The following APBA1 variants were observed in gnomAD, a reference collection of about 807,000 sequenced individuals.
The protein encoded by APBA1 is amyloid beta precursor protein binding family A member 1, also known as amyloid-beta A4 precursor protein-binding family A member 1.
In APBA1, 55 loss-of-function variants were observed where a neutral mutation model predicts 86.6. The observed-to-expected ratio is 0.64, with a 90% CI of 0.51 to 0.80. APBA1 has a LOEUF of 0.80. Ranked by LOEUF, APBA1 falls within the 30% of genes least tolerant of loss-of-function variation. The pLI is 0.00. For synonymous variants in APBA1, 511 were observed against 493.9 expected (o/e 1.03, Z -0.46); for missense variants, 1,090 against 1,183.0 (o/e 0.92, Z 1.15).
chr9:69,547,962 G>C (rs932203110), intron 1 of APBA1, among the ~76,000 whole-genome samples: 3 of 152,160 alleles, frequency 2.0e-5, no homozygotes, highest in Non-Finnish European at 4.4e-5. Context: ...ACATTACAAA[G>C]GGATTTTGTA....
chr9:69,593,062 A>G lies in APBA1; in HGVS notation c.-69-75783T>C, dbSNP rs144955106. Among the ~76,000 whole-genome samples the G allele has an allele frequency of 7.9e-5, 12 of 152,362 alleles. No homozygotes were observed. In the East Asian group the frequency reaches 2.3e-3, roughly 29 times the overall value. ...CTTGCTAGTCATTCAAATACTGCAG[A>G]GTAATTATCACTGTTAGAAGTGGCT... On this transcript the variant is annotated intron_variant, in intron 1 of 12. Coordinates refer to ENST00000265381, the MANE Select transcript of APBA1 (RefSeq NM_001163.4).
intron 1 of APBA1, among the ~76,000 whole-genome samples, chr9:69,617,935 A>G (rs1822734887): frequency 6.7e-6 from 1 of 148,966 alleles, no homozygotes; most frequent in African/African-American, 2.5e-5. Context: ...TGGCCTCCCC[A>G]TGCTTCATCA....
At chr9:69,456,706 A>T (rs2133815613) in intron 7 of APBA1, among the ~76,000 whole-genome samples, 1 of 151,718 alleles carries the variant, frequency 6.6e-6, no homozygotes, top group African/African-American at 2.4e-5. Flanking sequence ...AAAAAAAAAA[A>T]GACAAATCAA....
chr9:69,617,974 C>T (rs1455713080), intron 1 of APBA1, among the ~76,000 whole-genome samples: 1 of 152,116 alleles, frequency 6.6e-6, no homozygotes, highest in Non-Finnish European at 1.5e-5. Context: ...ACACAGCCCT[C>T]CTAGGTAGAC....
At chr9:69,568,783 T>A (rs1000726808) in intron 1 of APBA1, among the ~76,000 whole-genome samples, 6 of 152,188 alleles carry the variant, frequency 3.9e-5, no homozygotes, top group Admixed American at 3.9e-4. Flanking sequence ...TCTCAAACTG[T>A]GACATTAATG....
rs1564063072 is a variant in APBA1 at position 69,516,488 on chromosome 9, G to A, written c.723C>T (p.Arg241=). 6.3e-7 allele frequency: 1 copy of A among 1,599,434 alleles called. No homozygotes were observed. Among genetic ancestry groups the A allele is most frequent in the Middle Eastern group, 1.7e-4 (1 of 6,034 alleles). The part of the protein sequence containing the change: ...LGARLHHYDE[R]SDGESDSPEK... Reference sequence around the variant, plus strand: ...CGGGGCTGTCGGACTCGCCGTCGGAGCGCTCGTCGTAATGGTGCAGCCGCG... The same window carrying A: ...CGGGGCTGTCGGACTCGCCGTCGGAACGCTCGTCGTAATGGTGCAGCCGCG... Residue 241 remains arginine, a synonymous_variant, in exon 2 of 13, where the codon CGC becomes CGT. Transcript: ENST00000265381. The surrounding 1 kb of genome is among the most constrained non-coding windows in gnomAD (Gnocchi z 7.3).
intron 1 of APBA1, among the ~76,000 whole-genome samples, chr9:69,608,482 G>GAAAATTCAAAGACAAGA (rs1414736543): frequency 6.6e-6 from 1 of 152,090 alleles, no homozygotes; most frequent in Non-Finnish European, 1.5e-5. Flanking sequence ...GGCCTAAAAG[G>GAAAATTCAAAGACAAGA]AAAATTCAAA....
At chr9:69,633,158 T>A (rs1001276266) in intron 1 of APBA1, among the ~76,000 whole-genome samples, 2 of 151,974 alleles carry the variant, frequency 1.3e-5, no homozygotes, top group Non-Finnish European at 2.9e-5. Context: ...ATTATTTTTT[T>A]AAATCTCTTG....
intron 1 of APBA1, among the ~76,000 whole-genome samples, chr9:69,668,321 T>G (rs1406485950): frequency 1.3e-5 from 2 of 152,138 alleles, no homozygotes; most frequent in East Asian, 3.9e-4. Flanking sequence ...ACCCAACTGC[T>G]CTCTCAGCTA....
At chr9:69,605,534 T>G (rs974441025) in intron 1 of APBA1, among the ~76,000 whole-genome samples, 2 of 152,362 alleles carry the variant, frequency 1.3e-5, no homozygotes, top group Admixed American at 6.5e-5. Context: ...AGCCACTCTC[T>G]TCTATTCAAA....
chr9:69,604,829 T>G (rs73647262), intron 1 of APBA1, among the ~76,000 whole-genome samples: 11,499 of 145,154 alleles, frequency 0.079, 648 homozygotes, highest in African/African-American at 0.16. Context: ...TGGGCACACA[T>G]GCACACATGA....
chr9:69,653,178 T>A (rs1256867095), intron 1 of APBA1, among the ~76,000 whole-genome samples: 1 of 152,038 alleles, frequency 6.6e-6, no homozygotes, highest in African/African-American at 2.4e-5. Flanking sequence ...GAAAGTAGAT[T>A]ATTTTAAAGT....
At chr9:69,594,339 C>G (rs1351084982) in intron 1 of APBA1, among the ~76,000 whole-genome samples, 1 of 152,178 alleles carries the variant, frequency 6.6e-6, no homozygotes, top group Non-Finnish European at 1.5e-5. Context: ...GCACAGCTCA[C>G]TTGAGTGACA....
intron 1 of APBA1, among the ~76,000 whole-genome samples, chr9:69,616,645 T>C (rs567752665): frequency 4.6e-5 from 7 of 152,262 alleles, no homozygotes; most frequent in African/African-American, 1.7e-4. Context: ...AGACCTATCC[T>C]GAAAAACACT....
rs1290379474 is a variant in APBA1, at chr9:69,516,907, C to T, written c.304G>A (p.Asp102Asn). 1 of 1,594,030 alleles carries T rather than the reference C, an allele frequency of 6.3e-7. No individual in the cohort carries two copies. The highest frequency in any genetic ancestry group is 8.5e-7 in the Non-Finnish European group (1 of 1,176,880). The stretch of plus-strand genomic sequence containing the variant: ...TGCGCGCGCTCCGCATCGTAGCCGT[C>T]GCGGGCCGCGGCGATCACGTCGCCC... ...AEGDVIAAARDGYDAERAQDP... is the reference protein window; with the variant it reads ...AEGDVIAAARNGYDAERAQDP... The change falls in exon 2 of 13, where the codon GAC becomes AAC. Residue 102 changes from aspartate to asparagine, a missense_variant. Transcript: ENST00000265381. This position sits in a 1 kb window ranked among gnomAD's most constrained non-coding sequence, Gnocchi z 7.3.
intron 1 of APBA1, among the ~76,000 whole-genome samples, chr9:69,662,989 C>T (rs1188480935): frequency 6.6e-6 from 1 of 152,216 alleles, no homozygotes; most frequent in African/African-American, 2.4e-5. Flanking sequence ...CACCAAATAT[C>T]CAAATATGCT....
In APBA1 at chr9:69,429,782, A is replaced by C. The variant is rs576319540; in HGVS notation, c.*1545T>G. 6 of 151,710 alleles carry C rather than the reference A, an allele frequency of 4.0e-5. No homozygotes were observed. Among genetic ancestry groups the C allele is most frequent in the South Asian group, 2.1e-4 (1 of 4,754 alleles). 9.4% of individuals were successfully genotyped at this position (151,710 alleles called of 1,614,324 possible). On this transcript the variant is annotated 3_prime_UTR_variant, in exon 13 of 13. Coordinates refer to ENST00000265381, the MANE Select transcript of APBA1 (RefSeq NM_001163.4). Reference sequence around the variant, plus strand: ...TCCTATTTCCATAGACACAACATAAATATCTCGGATGCAGAGAACAGGGAC... The same window carrying C: ...TCCTATTTCCATAGACACAACATAACTATCTCGGATGCAGAGAACAGGGAC...
Position 69,617,955 on chromosome 9 carries a change from A to AACAC in APBA1, c.-70+54194_-70+54197dup, listed in dbSNP as rs35169283. ...TCCCCATGCTTCATCATCAAGCTTA[A>AACAC]ACACACACACACAGCCCTCCTAGGT... On this transcript the variant is annotated intron_variant, in intron 1 of 12. Transcript: ENST00000265381. 3.8e-4 allele frequency among the ~76,000 whole-genome samples: 58 copies of AACAC among 151,724 alleles called. 1 individual carries two copies. In the South Asian group the frequency reaches 0.011, roughly 28 times the overall value.
intron 10 of APBA1, among the ~76,000 whole-genome samples, chr9:69,444,490 C>T (rs1338377057): frequency 6.6e-6 from 1 of 152,216 alleles, no homozygotes; most frequent in Non-Finnish European, 1.5e-5. Context: ...ATCTGAAGCC[C>T]TTTGCTGGCC....
Sources: allele counts gnomAD v4.1 joint callset (sites outside exome capture counted in the v4.1 genomes callset), GRCh38; gene constraint gnomAD v4.1.1; non-coding constraint Gnocchi (gnomAD v3.1); transcripts MANE v1.5; gene names NCBI Gene and HGNC (gene_info 2026-07-23, HGNC 2026-07-21).